Variants in SLC9A9 observed in about 807,000 individuals in gnomAD.
SLC9A9 encodes the protein sodium/hydrogen exchanger 9.
A neutral mutation model predicts 77.8 loss-of-function variants in SLC9A9; 62 were observed. That is an observed-to-expected ratio of 0.80 (90% CI 0.65 to 0.98). SLC9A9 has a LOEUF of 0.98. SLC9A9 is among the 50% of genes least tolerant of loss of function. The pLI is 0.00. For synonymous variants in SLC9A9, 320 were observed against 283.5 expected, an observed-to-expected ratio of 1.13 and a Z score of -1.29; for missense variants, 775 against 774.9, an observed-to-expected ratio of 1.00 and a Z score of 0.00.
chr3:143,753,443 A>G (rs953414527), intron 4 of SLC9A9, among the ~76,000 whole-genome samples: 3 of 152,230 alleles, frequency 2.0e-5, no homozygotes, highest in Admixed American at 1.3e-4. Flanking sequence ...GATGGATGAA[A>G]GAACAAGGTG....
chr3:143,821,403 C>T (rs1025342912), intron 2 of SLC9A9, among the ~76,000 whole-genome samples: 5 of 152,194 alleles, frequency 3.3e-5, no homozygotes, highest in African/African-American at 1.2e-4. Flanking sequence ...TAAATCTCAT[C>T]TCAGAGATGA....
At chr3:143,514,745 G>T (rs1175209155) in intron 9 of SLC9A9, among the ~76,000 whole-genome samples, 1 of 152,130 alleles carries the variant, frequency 6.6e-6, no homozygotes, top group Non-Finnish European at 1.5e-5. Context: ...TTGAAGGGAG[G>T]GTCTTGCTCT....
chr3:143,459,368 G>T (rs1319418842), intron 12 of SLC9A9, among the ~76,000 whole-genome samples: 1 of 152,138 alleles, frequency 6.6e-6, no homozygotes, highest in African/African-American at 2.4e-5. Context: ...GGAATGTTAA[G>T]TGACATAGGA....
chr3:143,807,004 C>G (rs1045694159), intron 2 of SLC9A9, among the ~76,000 whole-genome samples: 9 of 152,172 alleles, frequency 5.9e-5, no homozygotes, highest in Non-Finnish European at 7.4e-5. Flanking sequence ...GTCAGAACCT[C>G]CCTTCACCCT....
intron 13 of SLC9A9, among the ~76,000 whole-genome samples, chr3:143,380,471 T>C (rs980394652): frequency 2.6e-5 from 4 of 152,334 alleles, no homozygotes; most frequent in African/African-American, 9.6e-5. Flanking sequence ...AAAGTTTTCT[T>C]GAAGGTAGGA....
At chr3:143,619,943 A>T (rs1030789254) in intron 6 of SLC9A9, among the ~76,000 whole-genome samples, 1 of 152,210 alleles carries the variant, frequency 6.6e-6, no homozygotes, top group African/African-American at 2.4e-5. Context: ...GTCCAGGAAC[A>T]TTAGGAAGTG....
chr3:143,432,306 T>C (rs2034534425), intron 12 of SLC9A9, among the ~76,000 whole-genome samples: 1 of 152,140 alleles, frequency 6.6e-6, no homozygotes, highest in Non-Finnish European at 1.5e-5. Context: ...CTCCTGATGA[T>C]GTATGTAGTG....
At chr3:143,506,915 ATCCC>A (rs1328413470) in intron 9 of SLC9A9, among the ~76,000 whole-genome samples, 1 of 152,136 alleles carries the variant, frequency 6.6e-6, no homozygotes, top group Non-Finnish European at 1.5e-5. Context: ...TCTTTAAAAA[ATCCC>A]TTAATGAATA....
At chr3:143,681,111 A>C (rs1432621115) in intron 5 of SLC9A9, among the ~76,000 whole-genome samples, 1 of 152,150 alleles carries the variant, frequency 6.6e-6, no homozygotes, top group Non-Finnish European at 1.5e-5. Flanking sequence ...TGAACCTAAG[A>C]GTGATAACTG....
At chr3:143,508,171 G>A (rs993980149) in intron 9 of SLC9A9, among the ~76,000 whole-genome samples, 2 of 152,186 alleles carry the variant, frequency 1.3e-5, no homozygotes, top group Non-Finnish European at 2.9e-5. Flanking sequence ...AGACATGACT[G>A]AGGATACTCC....
intron 14 of SLC9A9, among the ~76,000 whole-genome samples, chr3:143,326,948 A>G (rs1200533536): frequency 6.6e-6 from 1 of 152,218 alleles, no homozygotes; most frequent in Non-Finnish European, 1.5e-5. Flanking sequence ...TGCCTTGTGC[A>G]TATATCTTTT....
At chr3:143,571,000 CA>C (rs1008511513) in intron 8 of SLC9A9, among the ~76,000 whole-genome samples, 3 of 152,082 alleles carry the variant, frequency 2.0e-5, no homozygotes, top group African/African-American at 4.8e-5. Context: ...AGTAGCAGAA[CA>C]TTTTTTTTCA....
intron 11 of SLC9A9, 70 bp downstream of exon 11, chr3:143,493,583 T>C: frequency 7.0e-7 from 1 of 1,421,760 alleles, no homozygotes; most frequent in Non-Finnish European, 9.9e-7. Context: ...CTAAATTTTC[T>C]CATGGTTTTT....
chr3:143,839,789 A>T (rs1477098358), intron 1 of SLC9A9, among the ~76,000 whole-genome samples: 3 of 152,226 alleles, frequency 2.0e-5, no homozygotes, highest in Non-Finnish European at 2.9e-5. Flanking sequence ...AGAAATAGAG[A>T]TGTCTAACTA....
intron 4 of SLC9A9, among the ~76,000 whole-genome samples, chr3:143,737,924 T>A (rs896463138): frequency 9.2e-5 from 14 of 152,238 alleles, no homozygotes; most frequent in African/African-American, 3.4e-4. Context: ...GCTCTGTTAA[T>A]ATTTTACATG....
intron 14 of SLC9A9, among the ~76,000 whole-genome samples, chr3:143,331,504 G>A (rs2031770455): frequency 6.6e-6 from 1 of 152,186 alleles, no homozygotes; most frequent in Non-Finnish European, 1.5e-5. Context: ...GCTGCTGTGG[G>A]GAGCGGTCTC....
At chr3:143,696,814 C>A (rs1353005061) in intron 4 of SLC9A9, among the ~76,000 whole-genome samples, 2 of 151,984 alleles carry the variant, frequency 1.3e-5, no homozygotes, top group African/African-American at 4.8e-5. Context: ...TATATACTAC[C>A]AAGGTATGGC....
intron 8 of SLC9A9, among the ~76,000 whole-genome samples, chr3:143,562,421 G>T (rs1023250376): frequency 4.6e-5 from 7 of 151,820 alleles, no homozygotes; most frequent in African/African-American, 1.5e-4. Context: ...GTGATTGCGG[G>T]GCATATCTGA....
At chr3:143,748,737 C>A (rs1372076863) in intron 4 of SLC9A9, among the ~76,000 whole-genome samples, 1 of 145,430 alleles carries the variant, frequency 6.9e-6, no homozygotes, top group African/African-American at 2.6e-5. Flanking sequence ...CGCTCTGTCG[C>A]CCAGGCCGGA....
Sources: gnomAD v4.1 joint callset for allele counts (sites outside exome capture counted in the v4.1 genomes callset) on GRCh38, gnomAD v4.1.1 for gene constraint, MANE v1.5 for transcripts, NCBI Gene and HGNC (gene_info 2026-07-23, HGNC 2026-07-21) for gene names.